Variants in FUT8 observed in about 807,000 individuals in gnomAD.
The protein encoded by FUT8 is alpha-(1,6)-fucosyltransferase.
FUT8 carries 29 observed loss-of-function variants against 71.3 expected under a neutral mutation model. The ratio of observed to expected loss-of-function variants is 0.41; its 90% CI spans 0.30 to 0.55. The LOEUF is 0.55. FUT8 is among the 20% of genes least tolerant of loss of function. The pLI, the probability that FUT8 is intolerant of heterozygous loss-of-function variation, is 0.34. For missense variants in FUT8, 544 were observed against 702.1 expected, an observed-to-expected ratio of 0.77 and a Z score of 2.55; for synonymous variants, 254 against 239.3, an observed-to-expected ratio of 1.06 and a Z score of -0.57.
chr14:65,404,244 T>C, the FUT8 span, among the ~76,000 whole-genome samples: 48 of 152,054 alleles, frequency 3.2e-4, no homozygotes, highest in African/African-American at 1.1e-3. Context: ...TGATCTCGGC[T>C]CACTGCAACC....
intron 8 of FUT8, 74 bp downstream of exon 8, chr14:65,722,095 A>C: frequency 6.5e-7 from 1 of 1,536,942 alleles, no homozygotes; most frequent in Non-Finnish European, 8.8e-7. Context: ...ATATATTGTG[A>C]ATTTTACAAT....
chr14:65,571,265 C>T (rs1176320156), intron 3 of FUT8, among the ~76,000 whole-genome samples: 2 of 152,076 alleles, frequency 1.3e-5, no homozygotes, highest in Non-Finnish European at 2.9e-5. Flanking sequence ...ACTTGATGTG[C>T]TTGCTGAACC....
intron 7 of FUT8, among the ~76,000 whole-genome samples, chr14:65,688,349 GTTTT>G (rs992782070): frequency 6.6e-6 from 1 of 150,566 alleles, no homozygotes; most frequent in Non-Finnish European, 1.5e-5. Flanking sequence ...TACATTATGT[GTTTT>G]TTTTCTGACT....
intron 2 of FUT8, among the ~76,000 whole-genome samples, chr14:65,496,645 G>A (rs2066564701): frequency 6.6e-6 from 1 of 152,100 alleles, no homozygotes; most frequent in African/African-American, 2.4e-5. Flanking sequence ...TGCCATGATT[G>A]TAAGTTTCCT....
chr14:65,546,398 T>C (rs1884986165), intron 2 of FUT8, among the ~76,000 whole-genome samples: 1 of 151,900 alleles, frequency 6.6e-6, no homozygotes, highest in Non-Finnish European at 1.5e-5. Flanking sequence ...TTCATATTTA[T>C]TGGCCGAAAA....
At chr14:65,419,480 A>G (rs2065263249) in intron 1 of FUT8, among the ~76,000 whole-genome samples, 1 of 152,204 alleles carries the variant, frequency 6.6e-6, no homozygotes, top group East Asian at 1.9e-4. Context: ...TTAGGGCCTA[A>G]TCAATTGGGA....
At chr14:65,710,453 T>C (rs1330071982) in intron 7 of FUT8, among the ~76,000 whole-genome samples, 1 of 152,246 alleles carries the variant, frequency 6.6e-6, no homozygotes. Context: ...TTATTTTCTT[T>C]CATTTTGAAA....
intron 7 of FUT8, among the ~76,000 whole-genome samples, chr14:65,712,405 T>C (rs1479664718): frequency 6.6e-6 from 1 of 152,222 alleles, no homozygotes; most frequent in East Asian, 1.9e-4. Context: ...CATTCTATTA[T>C]CATATTTGAA....
At position 65,743,887 on chromosome 14, in the gene FUT8, G is replaced by T. The variant is rs999540189; in HGVS notation, c.*1477G>T. The stretch of plus-strand genomic sequence containing the variant: ...CTAAAAGAAAAATGTCATCTCTGTA[G>T]GAGCGACTATCAGGCCTAGTGTGAA... On this transcript the variant is annotated 3_prime_UTR_variant, in exon 11 of 11. Coordinates refer to ENST00000673929, the MANE Select transcript of FUT8 (RefSeq NM_001371533.1). 7.9e-5 allele frequency: 12 copies of T among 151,808 alleles called. No individual in the cohort carries two copies. Among genetic ancestry groups the T allele is most frequent in the Admixed American group, 2.6e-4 (4 of 15,230 alleles). The allele number at this position is 151,808 out of a possible 1,614,324, so 9.4% of individuals were successfully genotyped here.
At chr14:65,621,172 T>C (rs80029065) in intron 5 of FUT8, among the ~76,000 whole-genome samples, 1,839 of 152,334 alleles carry the variant, frequency 0.012, 15 homozygotes, top group Middle Eastern at 0.024. Flanking sequence ...CCAGTCACTA[T>C]GATAAAGGTT....
chr14:65,687,067 G>A (rs1242122795), intron 7 of FUT8, among the ~76,000 whole-genome samples: 1 of 152,052 alleles, frequency 6.6e-6, no homozygotes, highest in Non-Finnish European at 1.5e-5. Context: ...TTGGTTAGAG[G>A]TTTCCTTGAA....
At chr14:65,487,776 G>A (rs1268840053) in intron 2 of FUT8, among the ~76,000 whole-genome samples, 2 of 152,032 alleles carry the variant, frequency 1.3e-5, no homozygotes, top group African/African-American at 2.4e-5. Flanking sequence ...TTAGTGTTTT[G>A]TGGTGTGGGA....
At chr14:65,402,510 T>C in the FUT8 span, among the ~76,000 whole-genome samples, 1 of 150,904 alleles carries the variant, frequency 6.6e-6, no homozygotes, top group African/African-American at 2.4e-5. Context: ...CTACTAAAAA[T>C]ACAAAAAATT....
chr14:65,655,319 AAAAC>A (rs754828817), intron 6 of FUT8, among the ~76,000 whole-genome samples: 2 of 151,656 alleles, frequency 1.3e-5, no homozygotes, highest in African/African-American at 4.8e-5. Flanking sequence ...TAAAAATACA[AAAAC>A]AAAATTAGCT....
At chr14:65,642,505 A>G (rs1159535934) in intron 6 of FUT8, among the ~76,000 whole-genome samples, 2 of 149,952 alleles carry the variant, frequency 1.3e-5, no homozygotes, top group Admixed American at 1.3e-4. Context: ...TGGGAGGCTG[A>G]GGCAGGAGAA....
intron 9 of FUT8, among the ~76,000 whole-genome samples, chr14:65,729,266 C>T: frequency 6.6e-6 from 1 of 152,146 alleles, no homozygotes; most frequent in South Asian, 2.1e-4. Context: ...AGTCCTCCTG[C>T]CTTGTCCTCC....
chr14:65,513,280 A>G (rs1882485276), intron 2 of FUT8, among the ~76,000 whole-genome samples: 1 of 152,232 alleles, frequency 6.6e-6, no homozygotes, highest in South Asian at 2.1e-4. Context: ...TTTGGCATTT[A>G]TTAACTAGCC....
chr14:65,414,599 A>G (rs943231676), intron 1 of FUT8, among the ~76,000 whole-genome samples: 11 of 152,208 alleles, frequency 7.2e-5, no homozygotes, highest in South Asian at 2.1e-4. Context: ...AGTATTGAAA[A>G]GGTGGGAATT....
intron 9 of FUT8, among the ~76,000 whole-genome samples, chr14:65,732,368 A>G (rs1443974705): frequency 6.6e-6 from 1 of 152,220 alleles, no homozygotes; most frequent in Non-Finnish European, 1.5e-5. Context: ...GTGGAGTGCT[A>G]GATGCTGTGA....
Sources: allele counts gnomAD v4.1 joint callset (sites outside exome capture counted in the v4.1 genomes callset), GRCh38; gene constraint gnomAD v4.1.1; transcripts MANE v1.5; gene names NCBI Gene and HGNC (gene_info 2026-07-23, HGNC 2026-07-21).